The following DLGAP2 variants were observed in gnomAD, a reference collection of about 807,000 sequenced individuals.
The protein encoded by DLGAP2 is DLG associated protein 2.
DLGAP2 carries 26 observed loss-of-function variants against 100.3 expected under a neutral mutation model. That is an observed-to-expected ratio of 0.26 (90% confidence interval 0.19 to 0.36). DLGAP2 has a LOEUF of 0.36. Ranked by LOEUF, DLGAP2 falls within the 10% of genes least tolerant of loss-of-function variation. The probability of loss-of-function intolerance (pLI) is 1.00; values close to 1 mark genes in which losing one functional copy is unlikely to be tolerated. For synonymous variants in DLGAP2, 886 were observed against 630.1 expected (o/e 1.41, Z -6.08); for missense variants, 1,858 against 1,453.2 (o/e 1.28, Z -4.53).
At position 1,298,350 on chromosome 8, in the gene DLGAP2, C is replaced by T. The variant is rs561269654; in HGVS notation, c.106+39467C>T. Among the ~76,000 whole-genome samples, 26 of 152,318 alleles carry T rather than the reference C, an allele frequency of 1.7e-4. No individual in the cohort carries two copies. The South Asian group carries it at 2.9e-3, about 17-fold the overall frequency. ...GTCGTCCTGCAGCCTACAGAGGCCGCGTCCTTCCACATGATGGCCCCGCAC... is the reference window on the plus strand; with the variant it reads ...GTCGTCCTGCAGCCTACAGAGGCCGTGTCCTTCCACATGATGGCCCCGCAC... On this transcript the variant is annotated intron_variant, in intron 3 of 14. Coordinates refer to ENST00000637795, the MANE Select transcript of DLGAP2 (RefSeq NM_001346810.2).
intron 10 of DLGAP2, among the ~76,000 whole-genome samples, chr8:1,670,313 G>A (rs533187817): frequency 1.3e-5 from 2 of 152,228 alleles, no homozygotes; most frequent in South Asian, 2.1e-4. Context: ...TTCCTGCCCC[G>A]CCCACAGCCA....
rs1391633005 is a variant in DLGAP2 at position 1,630,379 on chromosome 8, T to A, written c.1591-2448T>A. 2.6e-5 allele frequency among the ~76,000 whole-genome samples: 4 copies of A among 152,012 alleles called. No homozygotes were observed. In the South Asian group the frequency reaches 8.3e-4, roughly 32 times the overall value. ...AACACTTAGGGGCTCTGGAGAGATG[T>A]GAATTTGGTGACAAACCAAAGTTTG... On this transcript the variant is annotated intron_variant, in intron 7 of 14. Transcript: ENST00000637795.
intron 1 of DLGAP2, among the ~76,000 whole-genome samples, chr8:898,058 G>C (rs1798179158): frequency 6.6e-6 from 1 of 152,128 alleles, no homozygotes. Context: ...GTTGGAAAAT[G>C]AATGAATGAA....
chr8:1,039,141 G>C (rs1023780144), intron 2 of DLGAP2, among the ~76,000 whole-genome samples: 1 of 142,772 alleles, frequency 7.0e-6, no homozygotes, highest in African/African-American at 2.8e-5. Context: ...CATAGGAAGT[G>C]ACCCATGTGG....
intron 2 of DLGAP2, among the ~76,000 whole-genome samples, chr8:1,235,667 C>G (rs62486959): frequency 0.58 from 13,047 of 22,324 alleles, 5,300 homozygotes; most frequent in Middle Eastern, 0.9. Flanking sequence ...AGCATCATGT[C>G]TAGTTCTCTC....
chr8:1,179,034 T>C (rs1359211363), intron 2 of DLGAP2, among the ~76,000 whole-genome samples: 1 of 152,230 alleles, frequency 6.6e-6, no homozygotes, highest in African/African-American at 2.4e-5. Context: ...TCCCAGCTTC[T>C]ATAAGGGGTT....
chr8:1,348,353 A>G (rs1563097671), intron 3 of DLGAP2, among the ~76,000 whole-genome samples: 5 of 149,168 alleles, frequency 3.4e-5, no homozygotes. Context: ...ACAGAGCTAC[A>G]TTGCACTCAT....
chr8:1,142,183 G>C lies in DLGAP2; in HGVS notation c.74-116668G>C, dbSNP rs73528447. The stretch of plus-strand genomic sequence containing the variant: ...AGGATTTGAAGATCTTTAAGGTTCT[G>C]AGAGGTTGCTATACAGTTTTTTGTG... On this transcript the variant is annotated intron_variant, in intron 2 of 14. Coordinates refer to ENST00000637795, the MANE Select transcript of DLGAP2 (RefSeq NM_001346810.2). 2.9e-3 allele frequency among the ~76,000 whole-genome samples: 448 copies of C among 152,100 alleles called. 3 individuals are homozygous for C. Among genetic ancestry groups the C allele is most frequent in the African/African-American group, 0.01 (430 of 41,494 alleles).
At chr8:1,644,071 C>G (rs1797980211) in intron 8 of DLGAP2, among the ~76,000 whole-genome samples, 2 of 108,144 alleles carry the variant, frequency 1.8e-5, no homozygotes. Context: ...ACCTGTGTCA[C>G]CCTCGACCCC....
At chr8:1,501,813 A>G (rs61041899) in intron 4 of DLGAP2, among the ~76,000 whole-genome samples, 12,805 of 152,202 alleles carry the variant, frequency 0.084, 1,544 homozygotes, top group African/African-American at 0.26. Context: ...GAAGCAGCTC[A>G]TCTCTCCAGC....
chr8:1,417,693 G>GAA (rs1161757353), intron 3 of DLGAP2, among the ~76,000 whole-genome samples: 1 of 93,098 alleles, frequency 1.1e-5, no homozygotes, highest in Non-Finnish European at 2.2e-5. Flanking sequence ...GGGCACAGGG[G>GAA]GCCCCACTCC....
intron 2 of DLGAP2, among the ~76,000 whole-genome samples, chr8:1,175,288 C>T (rs1053594295): frequency 1.3e-5 from 2 of 151,880 alleles, no homozygotes; most frequent in Non-Finnish European, 2.9e-5. Context: ...CCCAATAGTG[C>T]ATTTCATGGG....
At chr8:1,382,780 T>G (rs1167784900) in intron 3 of DLGAP2, among the ~76,000 whole-genome samples, 5 of 152,174 alleles carry the variant, frequency 3.3e-5, no homozygotes, top group African/African-American at 1.2e-4. Flanking sequence ...ATAGTTTACA[T>G]TGATTATAGC....
intron 2 of DLGAP2, among the ~76,000 whole-genome samples, chr8:1,253,329 C>T (rs1039675248): frequency 9.2e-5 from 14 of 152,268 alleles, no homozygotes; most frequent in East Asian, 3.9e-4. Flanking sequence ...CTTTATCTCC[C>T]GGCTCCATCG....
rs1584918959 is a variant in DLGAP2, at chr8:1,452,681, C to T, written c.107-48685C>T. On this transcript the variant is annotated intron_variant, in intron 3 of 14. Coordinates refer to ENST00000637795, the MANE Select transcript of DLGAP2 (RefSeq NM_001346810.2). ...TGCCGAAACATTATCAGCAAAGGCT[C>T]TGTGCGGGTTCTGCGCTGGGCAGCT... 2.0e-5 allele frequency among the ~76,000 whole-genome samples: 3 copies of T among 152,332 alleles called. No individual in the cohort carries two copies. The South Asian group carries it at 6.2e-4, about 32-fold the overall frequency.
At chr8:1,178,653 C>T (rs1285637289) in intron 2 of DLGAP2, among the ~76,000 whole-genome samples, 1 of 152,124 alleles carries the variant, frequency 6.6e-6, no homozygotes, top group Non-Finnish European at 1.5e-5. Flanking sequence ...CAGCTCAGCT[C>T]TCAAACCCAC....
intron 3 of DLGAP2, among the ~76,000 whole-genome samples, chr8:1,467,826 G>C (rs1798668032): frequency 6.6e-6 from 1 of 152,202 alleles, no homozygotes; most frequent in South Asian, 2.1e-4. Flanking sequence ...CCTGCTGCAG[G>C]GGTGGCGCCA....
At chr8:1,170,130 A>C (rs558143729) in intron 2 of DLGAP2, among the ~76,000 whole-genome samples, 3 of 152,270 alleles carry the variant, frequency 2.0e-5, no homozygotes, top group Non-Finnish European at 2.9e-5. Flanking sequence ...TTCTGCGTCT[A>C]TTAAGATAAT....
intron 1 of DLGAP2, among the ~76,000 whole-genome samples, chr8:800,894 G>A (rs6991579): frequency 0.61 from 92,047 of 151,812 alleles, 28,656 homozygotes; most frequent in Admixed American, 0.7. Context: ...ATCCCCGGCC[G>A]TGCTGTGTCC....
Sources: allele counts gnomAD v4.1 joint callset (sites outside exome capture counted in the v4.1 genomes callset), GRCh38; gene constraint gnomAD v4.1.1; transcripts MANE v1.5; gene names NCBI Gene and HGNC (gene_info 2026-07-23, HGNC 2026-07-21).